Variants in PAK2 observed in about 807,000 individuals in gnomAD.
PAK2 encodes the protein serine/threonine-protein kinase PAK 2.
Under a neutral mutation model 65.9 loss-of-function variants are expected in PAK2, and 21 were observed. The observed-to-expected ratio is 0.32, with a 90% CI of 0.23 to 0.46. The LOEUF (loss-of-function observed/expected upper bound fraction) is 0.46. Among genes scored for constraint, PAK2 ranks in the 20% least tolerant of loss-of-function variants. The pLI is 1.00. For missense variants in PAK2, 324 were observed against 642.6 expected, an observed-to-expected ratio of 0.50 and a Z score of 5.36; for synonymous variants, 204 against 219.7, an observed-to-expected ratio of 0.93 and a Z score of 0.63.
At chr3:196,800,188 C>T (rs1216347074) in intron 2 of PAK2, among the ~76,000 whole-genome samples, 2 of 152,132 alleles carry the variant, frequency 1.3e-5, no homozygotes, top group African/African-American at 4.8e-5. Context: ...TGAGACCAGC[C>T]TGGCCAACAT....
intron 11 of PAK2, among the ~76,000 whole-genome samples, chr3:196,817,611 C>T (rs2108770852): frequency 1.3e-5 from 2 of 152,228 alleles, no homozygotes; most frequent in South Asian, 4.1e-4. Context: ...CCTCGGTCTC[C>T]CAAAGTGCTG....
chr3:196,756,005 T>C (rs9860062), intron 1 of PAK2, among the ~76,000 whole-genome samples: 36,628 of 151,848 alleles, frequency 0.24, 4,811 homozygotes, highest in East Asian at 0.44. Flanking sequence ...CCGTCTGCCT[T>C]GGCCTCCCAA....
At chr3:196,754,740 C>T (rs1713714556) in intron 1 of PAK2, among the ~76,000 whole-genome samples, 1 of 152,220 alleles carries the variant, frequency 6.6e-6, no homozygotes, top group Non-Finnish European at 1.5e-5. Context: ...ACCTTACCTG[C>T]ACACGGGCGC....
intron 5 of PAK2, among the ~76,000 whole-genome samples, chr3:196,805,993 G>A (rs1715573059): frequency 1.3e-5 from 2 of 151,492 alleles, no homozygotes; most frequent in South Asian, 2.1e-4. Flanking sequence ...CTCACTGCAC[G>A]CACCGTCTTC....
chr3:196,828,445 A>G lies in PAK2; in HGVS notation c.*40A>G. 2 of 1,170,404 alleles carry G rather than the reference A, an allele frequency of 1.7e-6. No individual in the cohort carries two copies. The highest frequency in any genetic ancestry group is 2.6e-4 in the Middle Eastern group (1 of 3,914). The allele number at this position is 1,170,404 out of a possible 1,614,324, so 72.5% of individuals were successfully genotyped here. A position where few individuals can be genotyped will look rare whatever the true frequency, so the allele number is the denominator to read the frequency against. On this transcript the variant is annotated 3_prime_UTR_variant, in exon 15 of 15. Coordinates refer to ENST00000327134, the MANE Select transcript of PAK2 (RefSeq NM_002577.4). ...CCTCATACTCTTTTTTCCATTTTCT[A>G]CAAGAAGCCTTTTAGTATATGAAAA...
chr3:196,759,006 C>G (rs1713855903), intron 1 of PAK2, among the ~76,000 whole-genome samples: 1 of 152,120 alleles, frequency 6.6e-6, no homozygotes, highest in African/African-American at 2.4e-5. Flanking sequence ...TTTTTATTCT[C>G]GTATTTTTCT....
intron 1 of PAK2, among the ~76,000 whole-genome samples, chr3:196,755,033 G>A: frequency 6.6e-6 from 1 of 152,184 alleles, no homozygotes; most frequent in East Asian, 1.9e-4. Context: ...TGGGTCACGA[G>A]TCTTTTTGCA....
At chr3:196,796,677 C>T (rs1027993813) in intron 2 of PAK2, among the ~76,000 whole-genome samples, 3 of 152,134 alleles carry the variant, frequency 2.0e-5, no homozygotes, top group Admixed American at 1.3e-4. Context: ...TTGATAAAAA[C>T]AGACCTACCT....
chr3:196,812,392 G>A (rs570601062), intron 9 of PAK2, 125 bp downstream of exon 9: 64 of 706,410 alleles, frequency 9.1e-5, no homozygotes, highest in Middle Eastern at 5.0e-4. Context: ...ATCGCTCTAC[G>A]TATGTTTATA....
chr3:196,742,490 A>G (rs571849720), intron 1 of PAK2, among the ~76,000 whole-genome samples: 20 of 152,378 alleles, frequency 1.3e-4, no homozygotes, highest in African/African-American at 3.6e-4. Flanking sequence ...AACTTCAAGT[A>G]GCCAAGGATA....
At chr3:196,815,925 G>A (rs1022699322) in intron 11 of PAK2, among the ~76,000 whole-genome samples, 1 of 152,104 alleles carries the variant, frequency 6.6e-6, no homozygotes, top group Non-Finnish European at 1.5e-5. Flanking sequence ...GAAGAAACCG[G>A]TTATTTCTTT....
At chr3:196,793,972 A>G (rs1560106499) in intron 2 of PAK2, among the ~76,000 whole-genome samples, 1 of 152,082 alleles carries the variant, frequency 6.6e-6, no homozygotes. Flanking sequence ...CTCTACTAAA[A>G]ATACAAAAAT....
intron 2 of PAK2, among the ~76,000 whole-genome samples, chr3:196,799,813 C>T (rs1337906271): frequency 1.3e-5 from 2 of 152,118 alleles, no homozygotes; most frequent in East Asian, 3.9e-4. Context: ...AGTGTTTTGC[C>T]ATGTTGGCCA....
At position 196,828,438 on chromosome 3, in the gene PAK2, A is replaced by G; in HGVS notation, c.*33A>G. The G allele has an allele frequency of 1.6e-6, 2 of 1,271,796 alleles. No homozygotes were observed. The highest frequency in any genetic ancestry group is 2.3e-5 in the East Asian group (1 of 43,004). The allele number at this position is 1,271,796 out of a possible 1,614,324, so 78.8% of individuals were successfully genotyped here. A position where few individuals can be genotyped will look rare whatever the true frequency, so the allele number is the denominator to read the frequency against. ...GCTGTGGCCTCATACTCTTTTTTCC[A>G]TTTTCTACAAGAAGCCTTTTAGTAT... On this transcript the variant is annotated 3_prime_UTR_variant, in exon 15 of 15. Coordinates refer to ENST00000327134, the MANE Select transcript of PAK2 (RefSeq NM_002577.4).
At position 196,802,044 on chromosome 3, in the gene PAK2, C is replaced by T. The variant is rs113444498; in HGVS notation, c.288+17C>T. 2.4e-3 allele frequency: 2,993 copies of T among 1,270,250 alleles called. 42 individuals carry two copies. The African/African-American group carries it at 0.036, about 15-fold the overall frequency. 78.7% of individuals were successfully genotyped at this position (1,270,250 alleles called of 1,614,324 possible). A position where few individuals can be genotyped will look rare whatever the true frequency, so the allele number is the denominator to read the frequency against. ...GAATTCACTGTAAGTTAACCTAGTT[C>T]GGGCCCATTTATAACGTTTAAAATA... On this transcript the variant is annotated intron_variant, in intron 3 of 14. Coordinates refer to ENST00000327134, the MANE Select transcript of PAK2 (RefSeq NM_002577.4).
At chr3:196,824,767 C>G (rs6583179) in intron 13 of PAK2, among the ~76,000 whole-genome samples, 72,036 of 151,430 alleles carry the variant, frequency 0.48, 18,290 homozygotes, top group African/African-American at 0.65. Context: ...GATCTCTTGA[C>G]CCCAGGAGTT....
intron 1 of PAK2, among the ~76,000 whole-genome samples, chr3:196,772,346 T>C (rs968922722): frequency 6.6e-6 from 1 of 152,220 alleles, no homozygotes; most frequent in African/African-American, 2.4e-5. Context: ...CCCTCGAGAA[T>C]AAGTAGATTA....
intron 11 of PAK2, among the ~76,000 whole-genome samples, chr3:196,816,701 G>T (rs545030746): frequency 1.3e-5 from 2 of 152,130 alleles, no homozygotes; most frequent in Non-Finnish European, 2.9e-5. Flanking sequence ...TAGTTGTACA[G>T]ACTTTGTTCT....
At chr3:196,801,198 A>G (rs1715413241) in intron 2 of PAK2, among the ~76,000 whole-genome samples, 2 of 152,330 alleles carry the variant, frequency 1.3e-5, no homozygotes, top group East Asian at 1.9e-4. Context: ...GCGGAGTCAC[A>G]GTAATGCAAA....
Sources: allele counts gnomAD v4.1 joint callset (sites outside exome capture counted in the v4.1 genomes callset), GRCh38; gene constraint gnomAD v4.1.1; transcripts MANE v1.5; gene names NCBI Gene and HGNC (gene_info 2026-07-23, HGNC 2026-07-21).